Variants in LARP1B observed in about 807,000 individuals in gnomAD.
The protein encoded by LARP1B is La ribonucleoprotein 1B, also known as la-related protein 1B.
Under a neutral mutation model 114.2 loss-of-function variants are expected in LARP1B, and 76 were observed. That is an observed-to-expected ratio of 0.67 (90% CI 0.55 to 0.81). LARP1B has a LOEUF of 0.81. Among genes scored for constraint, LARP1B ranks in the 30% least tolerant of loss-of-function variants. The pLI is 0.00. For missense variants in LARP1B, 1,014 were observed against 1,075.8 expected (o/e 0.94, Z 0.80); for synonymous variants, 345 against 348.0 (o/e 0.99, Z 0.10).
At chr4:128,142,093 C>A (rs1689664217) in intron 11 of LARP1B, among the ~76,000 whole-genome samples, 2 of 152,200 alleles carry the variant, frequency 1.3e-5, no homozygotes, top group African/African-American at 4.8e-5. Flanking sequence ...TGTCTCCTCA[C>A]CACCACTTGA....
At chr4:128,138,934 A>T (rs905679472) in intron 11 of LARP1B, among the ~76,000 whole-genome samples, 3 of 152,176 alleles carry the variant, frequency 2.0e-5, no homozygotes, top group African/African-American at 7.2e-5. Context: ...AGCCCGGGTG[A>T]CAGAGTGAGA....
intron 5 of LARP1B, among the ~76,000 whole-genome samples, chr4:128,083,507 C>T (rs571185483): frequency 0.05 from 7,471 of 150,156 alleles, 240 homozygotes; most frequent in Non-Finnish European, 0.081. Context: ...CGCCTCACTT[C>T]CCAGTAGGGG....
chr4:128,083,827 G>A (rs377526417), intron 5 of LARP1B, among the ~76,000 whole-genome samples: 67,491 of 139,648 alleles, frequency 0.48, 11,832 homozygotes, highest in Middle Eastern at 0.6. Flanking sequence ...CTCCCGGACG[G>A]GGCGGCTGCC....
intron 4 of LARP1B, among the ~76,000 whole-genome samples, chr4:128,079,493 GACA>G (rs907507907): frequency 1.3e-5 from 2 of 152,018 alleles, no homozygotes; most frequent in East Asian, 1.9e-4. Context: ...CAAAAACAGT[GACA>G]ACAAGACAAA....
chr4:128,211,632 T>G lies in LARP1B; in HGVS notation c.*1579T>G. 1 of 981,100 alleles carries G rather than the reference T, an allele frequency of 1.0e-6. No individual in the cohort carries two copies. Among genetic ancestry groups the G allele is most frequent in the Non-Finnish European group, 1.2e-6 (1 of 826,000 alleles). The allele number at this position is 981,100 out of a possible 1,614,324, so 60.8% of individuals were successfully genotyped here. A position where few individuals can be genotyped will look rare whatever the true frequency, so the allele number is the denominator to read the frequency against. On this transcript the variant is annotated 3_prime_UTR_variant, in exon 20 of 20. Coordinates refer to ENST00000326639, the MANE Select transcript of LARP1B (RefSeq NM_018078.4). ...AATAATAGATCTTCAAGTCTTTTCT[T>G]AAATGGGGTATGTAGTTCCAGCTTT...
At chr4:128,072,397 T>C (rs997864719) in intron 1 of LARP1B, among the ~76,000 whole-genome samples, 1 of 152,208 alleles carries the variant, frequency 6.6e-6, no homozygotes, top group Non-Finnish European at 1.5e-5. Context: ...AATGGAGATA[T>C]GTTTTAAATT....
intron 11 of LARP1B, 36 bp from the exon 12 acceptor site, chr4:128,162,158 C>A (rs768231239): frequency 1.9e-6 from 3 of 1,600,170 alleles, no homozygotes; most frequent in African/African-American, 1.3e-5. Context: ...ACTCTGTTAG[C>A]CAGTTTAGTA....
At chr4:128,216,497 A>G (rs1461911583), downstream of LARP1B, among the ~76,000 whole-genome samples, 2 of 146,048 alleles carry the variant, frequency 1.4e-5, no homozygotes, top group African/African-American at 2.5e-5. Context: ...ATCTCACTCA[A>G]AGCTGCTCAA....
At chr4:128,150,710 G>A (rs1732400758) in intron 11 of LARP1B, among the ~76,000 whole-genome samples, 1 of 151,772 alleles carries the variant, frequency 6.6e-6, no homozygotes, top group South Asian at 2.1e-4. Flanking sequence ...GCCTGGGCAA[G>A]ACAGCAAGAC....
intron 11 of LARP1B, among the ~76,000 whole-genome samples, chr4:128,140,822 C>G (rs1469839263): frequency 1.6e-5 from 1 of 64,276 alleles, no homozygotes; most frequent in African/African-American, 4.1e-5. Flanking sequence ...TTAATTGTCT[C>G]TGTTTTTTTT....
At chr4:128,208,264 G>T (rs1758107842) in intron 19 of LARP1B, among the ~76,000 whole-genome samples, 1 of 150,966 alleles carries the variant, frequency 6.6e-6, no homozygotes, top group Non-Finnish European at 1.5e-5. Context: ...GGAGGTGGAG[G>T]TTGCAGTGGG....
chr4:128,075,221 C>T (rs1019034044), intron 3 of LARP1B, among the ~76,000 whole-genome samples: 3 of 151,878 alleles, frequency 2.0e-5, no homozygotes, highest in Non-Finnish European at 4.4e-5. Context: ...CCTACCTCGA[C>T]CTCCAGAGTA....
At chr4:128,176,053 C>A (rs1745728599) in intron 12 of LARP1B, among the ~76,000 whole-genome samples, 1 of 148,504 alleles carries the variant, frequency 6.7e-6, no homozygotes, top group South Asian at 2.1e-4. Flanking sequence ...AGTATATGTT[C>A]ATGTTTTTAT....
chr4:128,098,765 ATATTTTTTTTTTTTTTTTT>A (rs1779122644), intron 8 of LARP1B, among the ~76,000 whole-genome samples: 1 of 32,840 alleles, frequency 3.0e-5, no homozygotes, highest in African/African-American at 1.2e-4. Context: ...ATATATATAT[ATATTTTTTTTTTTTTTTTT>A]TTTTTTTTTT....
chr4:128,147,439 AC>A (rs1192476671), intron 11 of LARP1B, among the ~76,000 whole-genome samples: 2 of 152,200 alleles, frequency 1.3e-5, no homozygotes, highest in Admixed American at 1.3e-4. Context: ...GGATATATGT[AC>A]AAAATCAAAA....
chr4:128,066,849 T>G (rs1201523650), intron 1 of LARP1B, among the ~76,000 whole-genome samples: 1 of 144,918 alleles, frequency 6.9e-6, no homozygotes, highest in South Asian at 2.2e-4. Context: ...CAGGCAGGAG[T>G]GCAATGGCGC....
intron 1 of LARP1B, chr4:128,069,127 C>T (rs1764203722): frequency 9.2e-7 from 1 of 1,086,550 alleles, no homozygotes. Context: ...CTCTTTCGGC[C>T]TGCAGATGGC....
chr4:128,160,229 G>A (rs1421083556), intron 11 of LARP1B, among the ~76,000 whole-genome samples: 1 of 152,220 alleles, frequency 6.6e-6, no homozygotes, highest in East Asian at 1.9e-4. Context: ...GACCTCTGCT[G>A]TAGAGCCACA....
intron 12 of LARP1B, among the ~76,000 whole-genome samples, chr4:128,170,257 A>G (rs550518646): frequency 6.6e-6 from 1 of 152,314 alleles, no homozygotes; most frequent in Non-Finnish European, 1.5e-5. Flanking sequence ...ATCACCCACA[A>G]TATAGTCTGT....
Sources: gnomAD v4.1 joint callset for allele counts (sites outside exome capture counted in the v4.1 genomes callset) on GRCh38, gnomAD v4.1.1 for gene constraint, MANE v1.5 for transcripts, NCBI Gene and HGNC (gene_info 2026-07-23, HGNC 2026-07-21) for gene names.